The following WDR93 variants were observed in gnomAD, a reference collection of about 807,000 sequenced individuals.
The protein encoded by WDR93 is WD repeat-containing protein 93.
A neutral mutation model predicts 82.9 loss-of-function variants in WDR93; 73 were observed. That is an observed-to-expected ratio of 0.88 (90% CI 0.73 to 1.07). WDR93 has a LOEUF of 1.07. WDR93 is among the 50% of genes least tolerant of loss of function. The pLI is 0.00. For synonymous variants in WDR93, 283 were observed against 300.1 expected, an observed-to-expected ratio of 0.94 and a Z score of 0.59; for missense variants, 738 against 826.0, an observed-to-expected ratio of 0.89 and a Z score of 1.31.
rs182376319 is a variant in WDR93, at chr15:89,713,223, C to A, written c.640+1119C>A. Among the ~76,000 whole-genome samples, 221 of 151,462 alleles carry A rather than the reference C, an allele frequency of 1.5e-3. 1 individual carries two copies. The highest frequency in any genetic ancestry group is 5.2e-3 in the African/African-American group (214 of 41,220). On this transcript the variant is annotated intron_variant, in intron 5 of 16. Coordinates refer to ENST00000268130, the MANE Select transcript of WDR93 (RefSeq NM_020212.2). ...AAACCACCACAGTAATTAATAAACA[C>A]CTTGAGGGAGATACTTTGAGAGGAT...
Position 89,743,341 on chromosome 15 carries a change from C to T in WDR93, c.2011C>T (p.Arg671Trp), listed in dbSNP as rs142040675. ...AGAGAAGGAGGAGGAGCACTGGGCC[C>T]GGCTTCAGAGGTACTCCTTGTCGCT... ...NPEKEEEHWA[R>W]LQRYSLSLQR... Residue 671 changes from arginine (R) to tryptophan (W), a missense_variant, in exon 17 of 17, where the codon CGG (arginine) becomes TGG (tryptophan). Coordinates refer to ENST00000268130, the MANE Select transcript of WDR93 (RefSeq NM_020212.2). The T allele has an allele frequency of 1.7e-5, 28 of 1,614,048 alleles. 1 individual carries two copies. Among genetic ancestry groups the T allele is most frequent in the Admixed American group, 8.3e-5 (5 of 59,998 alleles).
rs1007487523 is a variant in WDR93, at chr15:89,690,848, G to A, written c.-50G>A. 9 of 548,472 alleles carry A rather than the reference G, an allele frequency of 1.6e-5. No individual in the cohort carries two copies. Among genetic ancestry groups the A allele is most frequent in the Non-Finnish European group, 2.6e-5 (8 of 307,498 alleles). The allele number at this position is 548,472 out of a possible 1,614,324, so 34.0% of individuals were successfully genotyped here. A position where few individuals can be genotyped will look rare whatever the true frequency, so the allele number is the denominator to read the frequency against. On this transcript the variant is annotated 5_prime_UTR_variant, in exon 1 of 17. Coordinates refer to ENST00000268130, the MANE Select transcript of WDR93 (RefSeq NM_020212.2). ...GTGGTTACCAAGGCGACGCAACGCC[G>A]CCCGGCCAGGTGAGCAAAACTGATC...
In WDR93 at chr15:89,731,658, T is replaced by C. The variant is rs145212536; in HGVS notation, c.1330+96T>C. 1.0e-3 allele frequency: 1,554 copies of C among 1,533,540 alleles called. 10 individuals are homozygous for C. In the African/African-American group the frequency reaches 0.019, roughly 19 times the overall value. 95.0% of individuals were successfully genotyped at this position (1,533,540 alleles called of 1,614,324 possible). A position where few individuals can be genotyped will look rare whatever the true frequency, so the allele number is the denominator to read the frequency against. On this transcript the variant is annotated intron_variant, in intron 12 of 16. Transcript: ENST00000268130. The stretch of plus-strand genomic sequence containing the variant: ...TTCCCACAGGCCCTGGGCCTTCTGT[T>C]ACCTCTGTGTTCTTAAAGTCACCTT...
intron 1 of WDR93, among the ~76,000 whole-genome samples, chr15:89,700,558 GGT>G (rs1965406255): frequency 1.3e-5 from 1 of 79,954 alleles, no homozygotes; most frequent in Non-Finnish European, 2.3e-5. Flanking sequence ...CAATATTGAG[GGT>G]TTTTTTTTTT....
chr15:89,701,277 T>C (rs1029291940), intron 1 of WDR93, among the ~76,000 whole-genome samples: 2 of 152,094 alleles, frequency 1.3e-5, no homozygotes, highest in Non-Finnish European at 2.9e-5. Flanking sequence ...TTGGGAGTGC[T>C]TGAACTGCAT....
chr15:89,705,354 A>C, intron 3 of WDR93, 200 bp from the exon 4 acceptor site: 1 of 580,414 alleles, frequency 1.7e-6, no homozygotes, highest in South Asian at 2.0e-5. Context: ...AGGACCCAGG[A>C]AGGAAAACAA....
rs1452444589 is a variant in WDR93, at chr15:89,734,900, T to C, written c.1545-590T>C. 2.6e-5 allele frequency among the ~76,000 whole-genome samples: 4 copies of C among 152,242 alleles called. 1 individual carries two copies. Among genetic ancestry groups the C allele is most frequent in the Admixed American group, 2.6e-4 (4 of 15,278 alleles). On this transcript the variant is annotated intron_variant, in intron 13 of 16. Transcript: ENST00000268130. ...CTGTATCTCTAAACAGTATATTATT[T>C]AGCTATGCATATTTAGGAAACTTAC... is the stretch of plus-strand genomic sequence containing the variant.
intron 11 of WDR93, among the ~76,000 whole-genome samples, 194 bp from the exon 12 acceptor site, chr15:89,731,249 G>A (rs1966855914): frequency 6.6e-6 from 1 of 152,216 alleles, no homozygotes; most frequent in Admixed American, 6.5e-5. Context: ...AATAAACAGT[G>A]TGACATTATC....
intron 8 of WDR93, 79 bp downstream of exon 8, chr15:89,722,218 A>G: frequency 8.7e-7 from 1 of 1,145,164 alleles, no homozygotes; most frequent in Non-Finnish European, 1.2e-6. Context: ...TTATCTTTTC[A>G]ACTTATTAGC....
chr15:89,736,276 C>T (rs956777231), intron 14 of WDR93, among the ~76,000 whole-genome samples: 1 of 152,154 alleles, frequency 6.6e-6, no homozygotes, highest in Admixed American at 6.5e-5. Flanking sequence ...TTCCCCAGTC[C>T]TTACAGGGCC....
chr15:89,694,233 A>C (rs983845573), intron 1 of WDR93, among the ~76,000 whole-genome samples: 2 of 149,640 alleles, frequency 1.3e-5, no homozygotes, highest in African/African-American at 4.9e-5. Context: ...ATATTTAAAA[A>C]TTGTTGGGTT....
At chr15:89,725,986 A>G (rs1966722277) in intron 8 of WDR93, among the ~76,000 whole-genome samples, 1 of 152,236 alleles carries the variant, frequency 6.6e-6, no homozygotes, top group African/African-American at 2.4e-5. Context: ...ACAATAAGAA[A>G]AAGGTTTAAT....
chr15:89,742,983 T>C (rs1218365517), intron 16 of WDR93, among the ~76,000 whole-genome samples: 2 of 152,248 alleles, frequency 1.3e-5, no homozygotes, highest in Non-Finnish European at 2.9e-5. Context: ...CATCTTCCTT[T>C]TCAGTCTGAA....
At chr15:89,706,060 T>C (rs1406622196) in intron 4 of WDR93, among the ~76,000 whole-genome samples, 2 of 152,156 alleles carry the variant, frequency 1.3e-5, no homozygotes, top group African/African-American at 4.8e-5. Flanking sequence ...TAAGATACTT[T>C]CCCTTATATA....
rs771687406 is a variant in WDR93 at position 89,733,029 on chromosome 15, C to T, written c.1354C>T (p.Leu452Phe). The T allele has an allele frequency of 2.5e-6, 4 of 1,614,070 alleles. No individual in the cohort carries two copies. In the African/African-American group the frequency reaches 4.0e-5, roughly 16 times the overall value. Residue 452 changes from leucine to phenylalanine, a missense_variant, in exon 13 of 17, where the codon CTT becomes TTT. Physicochemically the swap from Leu to Phe is conservative, Grantham distance 22 (BLOSUM62 0). Transcript: ENST00000268130. ...AKGFPLGVAA[L>F]PQGCFCQSIH... ...AGGATTCCCTCTTGGGGTCGCTGCT[C>T]TTCCTCAGGGATGTTTCTGCCAAAG...
chr15:89,741,190 T>C (rs376700209), intron 16 of WDR93, among the ~76,000 whole-genome samples: 27 of 152,346 alleles, frequency 1.8e-4, no homozygotes, highest in African/African-American at 5.5e-4. Context: ...CTATTACACA[T>C]AAATCACACC....
At chr15:89,738,261 C>G in intron 16 of WDR93, 25 bp downstream of exon 16, 3 of 1,555,354 alleles carry the variant, frequency 1.9e-6, no homozygotes, top group Non-Finnish European at 2.6e-6. Flanking sequence ...GTCTTCACCC[C>G]CTCCCACATC....
At chr15:89,740,254 T>G (rs1272987795) in intron 16 of WDR93, among the ~76,000 whole-genome samples, 2 of 152,182 alleles carry the variant, frequency 1.3e-5, no homozygotes, top group African/African-American at 4.8e-5. Context: ...CCATAGCTCC[T>G]CTCCGCTTCC....
At chr15:89,733,944 CTCTT>C (rs2141700562) in intron 13 of WDR93, among the ~76,000 whole-genome samples, 1 of 152,324 alleles carries the variant, frequency 6.6e-6, no homozygotes, top group Non-Finnish European at 1.5e-5. Flanking sequence ...GGATCTCTCT[CTCTT>C]TTAAACATTT....
Sources: gnomAD v4.1 joint callset for allele counts (sites outside exome capture counted in the v4.1 genomes callset) on GRCh38, gnomAD v4.1.1 for gene constraint, MANE v1.5 for transcripts, NCBI Gene and HGNC (gene_info 2026-07-23, HGNC 2026-07-21) for gene names.